The following AK3 variants were observed in gnomAD, a reference collection of about 807,000 sequenced individuals.
The protein encoded by AK3 is GTP:AMP phosphotransferase AK3, mitochondrial.
Under a neutral mutation model 23.7 loss-of-function variants are expected in AK3, and 27 were observed. The observed-to-expected ratio is 1.14, with a 90% CI of 0.84 to 1.57. AK3 has a LOEUF of 1.57. AK3 is among the 40% of genes most tolerant of loss of function. AK3 has a pLI of 0.00. For synonymous variants in AK3, 159 were observed against 116.0 expected (o/e 1.37, Z -2.38); for missense variants, 406 against 285.6 (o/e 1.42, Z -3.04).
intron 2 of AK3, among the ~76,000 whole-genome samples, chr9:4,722,075 T>C (rs1255464389): frequency 2.0e-5 from 3 of 152,188 alleles, no homozygotes; most frequent in Admixed American, 6.5e-5. Flanking sequence ...ATCCCAGTTT[T>C]AGTGAGAGCT....
At chr9:4,737,113 T>C (rs960461453) in intron 1 of AK3, among the ~76,000 whole-genome samples, 4 of 152,130 alleles carry the variant, frequency 2.6e-5, no homozygotes, top group Non-Finnish European at 4.4e-5. Context: ...AGTTCTTTAC[T>C]ATATAGTTTT....
At position 4,718,563 on chromosome 9, in the gene AK3, A is replaced by G. The variant is rs183973361; in HGVS notation, c.445-26T>C. On this transcript the variant is annotated intron_variant, in intron 3 of 4. Transcript: ENST00000381809. ...CTAAACAGGATTAGAAGAGACTAGT[A>G]TCAGATATCATATTTCTGAAAGATA... 7.7e-5 allele frequency: 111 copies of G among 1,443,796 alleles called. No homozygotes were observed. The African/African-American group carries it at 1.2e-3, about 15-fold the overall frequency. The allele number at this position is 1,443,796 out of a possible 1,614,324, so 89.4% of individuals were successfully genotyped here.
At chr9:4,719,964 C>CT (rs5896090) in intron 2 of AK3, among the ~76,000 whole-genome samples, 74,312 of 151,688 alleles carry the variant, frequency 0.49, 18,372 homozygotes, top group South Asian at 0.56. Flanking sequence ...AGTTGGGAGG[C>CT]GAGGTGGGAG....
At chr9:4,719,758 A>G (rs1841842876) in intron 2 of AK3, among the ~76,000 whole-genome samples, 1 of 152,116 alleles carries the variant, frequency 6.6e-6, no homozygotes, top group South Asian at 2.1e-4. Flanking sequence ...AACTGAACTC[A>G]TGATCTTCAC....
chr9:4,730,031 C>T (rs530063654), intron 1 of AK3, among the ~76,000 whole-genome samples: 7 of 152,158 alleles, frequency 4.6e-5, no homozygotes, highest in African/African-American at 1.7e-4. Flanking sequence ...CATGTTACAG[C>T]ATAGATGAAC....
In AK3 at chr9:4,709,854, C is replaced by T. The variant is rs924010047; in HGVS notation, c.*3122G>A. ...TTTTATTTTTTGGTCAATGAGAAGA[C>T]ACAACATATTCTAAAATACAAATTC... On this transcript the variant is annotated 3_prime_UTR_variant, in exon 5 of 5. Transcript: ENST00000381809. The T allele has an allele frequency of 2.0e-5, 3 of 151,990 alleles. No individual in the cohort carries two copies. The highest frequency in any genetic ancestry group is 4.4e-5 in the Non-Finnish European group (3 of 68,004). The allele number at this position is 151,990 out of a possible 1,614,324, so 9.4% of individuals were successfully genotyped here.
intron 4 of AK3, among the ~76,000 whole-genome samples, chr9:4,713,328 AT>A (rs1417862472): frequency 6.6e-6 from 1 of 152,198 alleles, no homozygotes; most frequent in African/African-American, 2.4e-5. Context: ...AACAGCACCT[AT>A]CATTTATTTT....
upstream of AK3, chr9:4,741,220 C>G (rs1054793438): frequency 2.8e-6 from 3 of 1,077,336 alleles, no homozygotes; most frequent in Non-Finnish European, 3.7e-6. Context: ...CCCGGCGTTC[C>G]CGGAAGTGAG....
At chr9:4,732,862 C>T (rs967609411) in intron 1 of AK3, among the ~76,000 whole-genome samples, 4 of 136,416 alleles carry the variant, frequency 2.9e-5, no homozygotes, top group African/African-American at 7.7e-5. Context: ...ACAGTTCTCT[C>T]TCTCTCTCTT....
chr9:4,714,993 T>C (rs1231656253), intron 4 of AK3, among the ~76,000 whole-genome samples: 2 of 150,466 alleles, frequency 1.3e-5, no homozygotes, highest in African/African-American at 4.9e-5. Context: ...CCAAGGAGGG[T>C]GGATCACTTG....
chr9:4,731,950 T>A lies in AK3; in HGVS notation c.151+8987A>T, dbSNP rs750897069. On this transcript the variant is annotated intron_variant, in intron 1 of 4. Transcript: ENST00000381809. ...CAAACAGTAAATCTATTTTCTTTTCTTATGATTTTCTTTTTTAGAGACATG... is the reference window on the plus strand; with the variant it reads ...CAAACAGTAAATCTATTTTCTTTTCATATGATTTTCTTTTTTAGAGACATG... 5.3e-5 allele frequency among the ~76,000 whole-genome samples: 8 copies of A among 152,264 alleles called. No individual in the cohort carries two copies. The South Asian group carries it at 1.7e-3, about 32-fold the overall frequency.
chr9:4,725,046 G>A (rs1473719851), intron 1 of AK3, among the ~76,000 whole-genome samples: 1 of 145,756 alleles, frequency 6.9e-6, no homozygotes, highest in African/African-American at 2.5e-5. Flanking sequence ...TTTTGAGATG[G>A]AGTCTCACTC....
At chr9:4,724,386 T>C (rs1055885890) in intron 1 of AK3, among the ~76,000 whole-genome samples, 2 of 152,158 alleles carry the variant, frequency 1.3e-5, no homozygotes, top group African/African-American at 4.8e-5. Flanking sequence ...CTGCAGCAGA[T>C]GGGTTAGAAG....
At chr9:4,737,819 C>A (rs536417435) in intron 1 of AK3, among the ~76,000 whole-genome samples, 1 of 152,322 alleles carries the variant, frequency 6.6e-6, no homozygotes, top group Non-Finnish European at 1.5e-5. Flanking sequence ...TACAGTTATT[C>A]CAGCTTTGCT....
In AK3 at chr9:4,741,133, C is replaced by G. The variant is rs1842423424; in HGVS notation, c.-46G>C. 1 of 1,396,360 alleles carries G rather than the reference C, an allele frequency of 7.2e-7. No individual in the cohort carries two copies. Among genetic ancestry groups the G allele is most frequent in the Non-Finnish European group, 9.3e-7 (1 of 1,075,180 alleles). 86.5% of individuals were successfully genotyped at this position (1,396,360 alleles called of 1,614,324 possible). A position where few individuals can be genotyped will look rare whatever the true frequency, so the allele number is the denominator to read the frequency against. On this transcript the variant is annotated 5_prime_UTR_variant, in exon 1 of 5. Transcript: ENST00000381809. ...ACCGCGCGGGTACCAGGGCTTTGGC[C>G]TGGCCTGCGCGCTCACCCGCTCGGC...
At chr9:4,732,833 C>A (rs1842185126) in intron 1 of AK3, among the ~76,000 whole-genome samples, 1 of 151,512 alleles carries the variant, frequency 6.6e-6, no homozygotes, top group East Asian at 1.9e-4. Flanking sequence ...AAAAGAGGGA[C>A]CTGACCAAAC....
In AK3 at chr9:4,740,060, C is replaced by CAAAA. The variant is rs1166971578; in HGVS notation, c.151+873_151+876dup. On this transcript the variant is annotated intron_variant, in intron 1 of 4. Transcript: ENST00000381809. Reference sequence around the variant, plus strand: ...ACGTCTATCCTGTTTGCTATCCTTACAAAAAAAAAAAAAAAAAGAAGGAAA... The same window carrying CAAAA: ...ACGTCTATCCTGTTTGCTATCCTTACAAAAAAAAAAAAAAAAAAAAAGAAGGAAA... Among the ~76,000 whole-genome samples, 603 of 113,234 alleles carry CAAAA rather than the reference C, an allele frequency of 5.3e-3. 7 individuals carry two copies. Among genetic ancestry groups the CAAAA allele is most frequent in the African/African-American group, 0.016 (436 of 26,984 alleles). 74.3% of individuals were successfully genotyped at this position (113,234 alleles called of 152,430 possible).
chr9:4,727,547 G>C (rs1275660954), intron 1 of AK3, among the ~76,000 whole-genome samples: 1 of 152,200 alleles, frequency 6.6e-6, no homozygotes, highest in Non-Finnish European at 1.5e-5. Context: ...AAGAGAATTA[G>C]GGCCTTGCTC....
chr9:4,734,096 T>C (rs1842215905), intron 1 of AK3, among the ~76,000 whole-genome samples: 1 of 151,904 alleles, frequency 6.6e-6, no homozygotes, highest in Non-Finnish European at 1.5e-5. Context: ...TTAAAGGAGG[T>C]AACTAAGATT....
Sources: allele counts gnomAD v4.1 joint callset (sites outside exome capture counted in the v4.1 genomes callset), GRCh38; gene constraint gnomAD v4.1.1; transcripts MANE v1.5; gene names NCBI Gene and HGNC (gene_info 2026-07-23, HGNC 2026-07-21).